Variants in CBL observed in about 807,000 individuals in gnomAD.
The protein encoded by CBL is E3 ubiquitin-protein ligase CBL.
CBL carries 45 observed loss-of-function variants against 96.9 expected under a neutral mutation model. The ratio of observed to expected loss-of-function variants is 0.46; its 90% CI spans 0.37 to 0.60. The LOEUF (loss-of-function observed/expected upper bound fraction) is 0.60. Ranked by LOEUF, CBL falls within the 20% of genes least tolerant of loss-of-function variation. CBL has a pLI of 0.00. For synonymous variants in CBL, 420 were observed against 426.8 expected, an observed-to-expected ratio of 0.98 and a Z score of 0.20; for missense variants, 1,024 against 1,143.5, an observed-to-expected ratio of 0.90 and a Z score of 1.51.
intron 2 of CBL, among the ~76,000 whole-genome samples, chr11:119,248,933 C>G (rs1019116616): frequency 6.6e-6 from 1 of 152,150 alleles, no homozygotes; most frequent in Non-Finnish European, 1.5e-5. Flanking sequence ...CAATGAGATA[C>G]CACTTCACAG....
rs1326284985 is a variant in CBL at position 119,297,387 on chromosome 11, A to G, written c.2157A>G (p.Ala719=). 1.2e-6 allele frequency: 2 copies of G among 1,611,718 alleles called. No homozygotes were observed. The highest frequency in any genetic ancestry group is 1.7e-6 in the Non-Finnish European group (2 of 1,177,966). ...TGGCACTTTCCTTCTGGTTCAGAGC[A>G]TGTGATTGCGACCAGCAGATTGATA... ...RPLDTSQSSR[A]CDCDQQIDSC... The change falls in exon 14 of 16, where the codon GCA becomes GCG. Residue 719 remains alanine (A), a synonymous_variant. Coordinates refer to ENST00000264033, the MANE Select transcript of CBL (RefSeq NM_005188.4).
At position 119,274,159 on chromosome 11, in the gene CBL, C is replaced by CA. The variant is rs200481838; in HGVS notation, c.747+143dup. 90 of 703,144 alleles carry CA rather than the reference C, an allele frequency of 1.3e-4. No homozygotes were observed. The East Asian group carries it at 1.5e-3, about 12-fold the overall frequency. 43.6% of individuals were successfully genotyped at this position (703,144 alleles called of 1,614,324 possible). ...TTTTAATTCATTTTAGGAACTATGC[C>CA]AAAAAAAAGATTAAAACTATCTCAT... On this transcript the variant is annotated intron_variant, in intron 4 of 15. Transcript: ENST00000264033.
chr11:119,285,874 CA>C (rs1471365115), intron 11 of CBL, among the ~76,000 whole-genome samples: 2 of 150,996 alleles, frequency 1.3e-5, no homozygotes, highest in Admixed American at 6.6e-5. Context: ...CCAGCCTAGG[CA>C]ATAGAGTAAG....
chr11:119,276,094 C>T lies in CBL; in HGVS notation c.967C>T (p.Pro323Ser). 4 of 1,613,980 alleles carry T rather than the reference C, an allele frequency of 2.5e-6. No individual in the cohort carries two copies. Among genetic ancestry groups the T allele is most frequent in the Non-Finnish European group, 3.4e-6 (4 of 1,179,928 alleles). ...NILQTIPHNK[P>S]LFQALIDGFR... ...TCTCCAGACAATCCCTCACAATAAA[C>T]CTCTCTTCCAAGCACTGATTGATGG... Residue 323 changes from proline (P) to serine (S), a missense_variant, in exon 6 of 16, where the codon CCT (proline) becomes TCT (serine). Physicochemically the swap from Pro to Ser is moderately conservative, Grantham distance 74 (BLOSUM62 -1). Transcript: ENST00000264033.
Position 119,304,570 on chromosome 11 carries a change from T to C in CBL, c.*4789T>C, listed in dbSNP as rs1417504012. 4 of 232,412 alleles carry C rather than the reference T, an allele frequency of 1.7e-5. No homozygotes were observed. In the Admixed American group the frequency reaches 2.3e-4, roughly 13 times the overall value. The allele number at this position is 232,412 out of a possible 1,614,324, so 14.4% of individuals were successfully genotyped here. A position where few individuals can be genotyped will look rare whatever the true frequency, so the allele number is the denominator to read the frequency against. On this transcript the variant is annotated 3_prime_UTR_variant, in exon 16 of 16. Transcript: ENST00000264033. ...CCAAATAGGCACTCTAGTCCTCAAGTCTACACCACCTTCCAACTCTGGGGA... is the reference window on the plus strand; with the variant it reads ...CCAAATAGGCACTCTAGTCCTCAAGCCTACACCACCTTCCAACTCTGGGGA...
At chr11:119,236,300 C>T (rs1336843645) in intron 2 of CBL, among the ~76,000 whole-genome samples, 2 of 151,812 alleles carry the variant, frequency 1.3e-5, no homozygotes, top group South Asian at 2.1e-4. Flanking sequence ...CTGCTCTGGA[C>T]GTTTCGTGTT....
chr11:119,300,150 G>A lies in CBL; in HGVS notation c.*369G>A, dbSNP rs1372369023. 7.6e-6 allele frequency: 4 copies of A among 526,424 alleles called. No individual in the cohort carries two copies. The highest frequency in any genetic ancestry group is 1.9e-5 in the African/African-American group (1 of 52,882). The allele number at this position is 526,424 out of a possible 1,614,324, so 32.6% of individuals were successfully genotyped here. A position where few individuals can be genotyped will look rare whatever the true frequency, so the allele number is the denominator to read the frequency against. ...CTGGGTTAAGGATGTGGCCGTGTGT[G>A]TGTGTGTCTGCCTGTGGTTGTATGT... On this transcript the variant is annotated 3_prime_UTR_variant, in exon 16 of 16. Coordinates refer to ENST00000264033, the MANE Select transcript of CBL (RefSeq NM_005188.4).
At chr11:119,277,398 C>A (rs1235134942) in intron 6 of CBL, among the ~76,000 whole-genome samples, 2 of 151,030 alleles carry the variant, frequency 1.3e-5, no homozygotes, top group Admixed American at 1.3e-4. Flanking sequence ...TTGAAAAAAA[C>A]AATCAGAGAA....
intron 12 of CBL, among the ~76,000 whole-genome samples, chr11:119,294,808 A>AT (rs1950052645): frequency 6.6e-6 from 1 of 151,488 alleles, no homozygotes; most frequent in Admixed American, 6.6e-5. Flanking sequence ...AAAAAAAAAA[A>AT]GGAAAAGGAA....
chr11:119,258,227 AAAAAAACAAAACAAAAC>A (rs1338680004), intron 2 of CBL, among the ~76,000 whole-genome samples: 1 of 152,140 alleles, frequency 6.6e-6, no homozygotes, highest in Non-Finnish European at 1.5e-5. Context: ...ACTACGTCTC[AAAAAAACAAAACAAAAC>A]AAAAAACAAA....
chr11:119,286,166 G>C (rs1384325205), intron 11 of CBL, among the ~76,000 whole-genome samples: 1 of 152,162 alleles, frequency 6.6e-6, no homozygotes, highest in Non-Finnish European at 1.5e-5. Context: ...TGGGCCTGGT[G>C]GTGGGTGTCT....
rs748969942 is a variant in CBL at position 119,297,371 on chromosome 11, C to G, written c.2154-13C>G. 6.3e-7 allele frequency: 1 copy of G among 1,593,710 alleles called. No individual in the cohort carries two copies. Reference sequence around the variant, plus strand: ...TTTCCAAAGATCATTATGGCACTTTCCTTCTGGTTCAGAGCATGTGATTGC... The same window carrying G: ...TTTCCAAAGATCATTATGGCACTTTGCTTCTGGTTCAGAGCATGTGATTGC... On this transcript the variant is annotated splice_polypyrimidine_tract_variant and intron_variant, in intron 13 of 15. Transcript: ENST00000264033.
Position 119,269,246 on chromosome 11 carries a change from C to CTTT in CBL, c.444-2472_444-2470dup, listed in dbSNP as rs11317875. On this transcript the variant is annotated intron_variant, in intron 2 of 15. Transcript: ENST00000264033. Reference sequence around the variant, plus strand: ...ATGGACTTTAAAGATTGGATAAGTGCTTTTTTTTTTTTTTTTTTTGGACCG... The same window carrying CTTT: ...ATGGACTTTAAAGATTGGATAAGTGCTTTTTTTTTTTTTTTTTTTTTTGGACCG... Among the ~76,000 whole-genome samples the CTTT allele has an allele frequency of 3.4e-4, 40 of 118,328 alleles. 1 individual carries two copies. The South Asian group carries it at 7.8e-3, about 23-fold the overall frequency. 77.6% of individuals were successfully genotyped at this position (118,328 alleles called of 152,430 possible).
intron 1 of CBL, among the ~76,000 whole-genome samples, chr11:119,231,200 C>G (rs529905988): frequency 6.6e-6 from 1 of 151,886 alleles, no homozygotes; most frequent in Non-Finnish European, 1.5e-5. Context: ...GTCAGGCATT[C>G]GAGACCAGCC....
At chr11:119,239,427 ACTTCTGTATGTTGATCTGGTACT>A in intron 2 of CBL, among the ~76,000 whole-genome samples, 6 of 152,060 alleles carry the variant, frequency 3.9e-5, no homozygotes, top group Non-Finnish European at 8.8e-5. Flanking sequence ...AACATAGTTG[ACTTCTGTATGTTGATCTGGTACT>A]CCACAACTTT....
intron 2 of CBL, among the ~76,000 whole-genome samples, chr11:119,262,957 T>G (rs113760849): frequency 6.6e-6 from 1 of 152,238 alleles, no homozygotes. Context: ...TGCTGCCCCT[T>G]ACTAGCTTTG....
rs918866120 is a variant in CBL, at chr11:119,301,868, G to A, written c.*2087G>A. The A allele has an allele frequency of 3.9e-5, 9 of 232,424 alleles. No homozygotes were observed. The highest frequency in any genetic ancestry group is 2.0e-4 in the African/African-American group (9 of 45,092). 14.4% of individuals were successfully genotyped at this position (232,424 alleles called of 1,614,324 possible). A position where few individuals can be genotyped will look rare whatever the true frequency, so the allele number is the denominator to read the frequency against. On this transcript the variant is annotated 3_prime_UTR_variant, in exon 16 of 16. Coordinates refer to ENST00000264033, the MANE Select transcript of CBL (RefSeq NM_005188.4). The stretch of plus-strand genomic sequence containing the variant: ...GAGGTAACGTTCAGTTTTGCATTTT[G>A]TTTAAATATTGAAGGCCTAGACAAA...
intron 1 of CBL, among the ~76,000 whole-genome samples, chr11:119,218,918 A>G (rs1949384852): frequency 6.6e-6 from 1 of 152,200 alleles, no homozygotes; most frequent in African/African-American, 2.4e-5. Context: ...TCTTCTACTC[A>G]TGAAATTCTG....
intron 2 of CBL, among the ~76,000 whole-genome samples, chr11:119,243,637 C>T (rs1949604015): frequency 6.7e-6 from 1 of 149,372 alleles, no homozygotes; most frequent in Admixed American, 6.8e-5. Flanking sequence ...ACAAAAACAA[C>T]ACCTAGAAAG....
Sources: gnomAD v4.1 joint callset for allele counts (sites outside exome capture counted in the v4.1 genomes callset) on GRCh38, gnomAD v4.1.1 for gene constraint, MANE v1.5 for transcripts, NCBI Gene and HGNC (gene_info 2026-07-23, HGNC 2026-07-21) for gene names.